GRID2: variants seen among roughly 807,000 people sequenced by gnomAD.
GRID2 encodes glutamate ionotropic receptor delta type subunit 2.
A neutral mutation model predicts 114.8 loss-of-function variants in GRID2; 33 were observed. The ratio of observed to expected loss-of-function variants is 0.29; its 90% CI spans 0.22 to 0.38. The LOEUF (loss-of-function observed/expected upper bound fraction) is 0.38. Ranked by LOEUF, GRID2 falls within the 10% of genes least tolerant of loss-of-function variation. The pLI, the probability that GRID2 is intolerant of heterozygous loss-of-function variation, is 1.00. For missense variants in GRID2, 1,184 were observed against 1,257.7 expected, an observed-to-expected ratio of 0.94 and a Z score of 0.89; for synonymous variants, 505 against 449.9, an observed-to-expected ratio of 1.12 and a Z score of -1.55.
At chr4:93,418,426 G>A (rs559245721) in intron 9 of GRID2, among the ~76,000 whole-genome samples, 1 of 151,968 alleles carries the variant, frequency 6.6e-6, no homozygotes, top group South Asian at 2.1e-4. Context: ...AATTTGTTTA[G>A]TTCTTTTTCA....
At chr4:92,550,657 G>C (rs745985517) in intron 1 of GRID2, among the ~76,000 whole-genome samples, 3 of 152,024 alleles carry the variant, frequency 2.0e-5, no homozygotes, top group Non-Finnish European at 4.4e-5. Context: ...CTCTAATTGA[G>C]GGCACCTTCA....
At chr4:93,474,705 G>GTCAC (rs1285148026) in intron 11 of GRID2, among the ~76,000 whole-genome samples, 1 of 152,052 alleles carries the variant, frequency 6.6e-6, no homozygotes, top group Non-Finnish European at 1.5e-5. Flanking sequence ...TCTGACATAT[G>GTCAC]TCACTCCCTG....
intron 8 of GRID2, chr4:93,302,682 T>C (rs1407584996): frequency 6.9e-6 from 3 of 435,768 alleles, no homozygotes; most frequent in Non-Finnish European, 1.4e-5. Flanking sequence ...GGCAGTTTCA[T>C]AGGCTACTTT....
intron 2 of GRID2, among the ~76,000 whole-genome samples, chr4:92,956,167 T>A (rs1752395427): frequency 6.6e-6 from 1 of 152,198 alleles, no homozygotes; most frequent in Admixed American, 6.5e-5. Flanking sequence ...ATATACCATC[T>A]GTCATTAACA....
intron 2 of GRID2, among the ~76,000 whole-genome samples, chr4:92,921,727 C>G (rs1013815680): frequency 1.3e-5 from 2 of 152,112 alleles, no homozygotes; most frequent in African/African-American, 4.8e-5. Flanking sequence ...CAGAGGAGTA[C>G]CTGGCCGTGT....
intron 2 of GRID2, among the ~76,000 whole-genome samples, chr4:92,626,330 T>C (rs1026025687): frequency 1.3e-5 from 2 of 152,034 alleles, no homozygotes; most frequent in East Asian, 3.9e-4. Context: ...TTCATGGACC[T>C]TTGCAATGCG....
At chr4:93,646,371 C>A (rs1028844228) in intron 14 of GRID2, among the ~76,000 whole-genome samples, 8 of 151,860 alleles carry the variant, frequency 5.3e-5, no homozygotes, top group African/African-American at 1.7e-4. Flanking sequence ...ATATAAAAGC[C>A]CTGCATTGGG....
chr4:93,395,585 C>T, intron 8 of GRID2, 22 bp from the exon 9 acceptor site: 1 of 1,133,634 alleles, frequency 8.8e-7, no homozygotes, highest in Middle Eastern at 2.0e-4. Flanking sequence ...AGAAAAATGA[C>T]CAAAGTTGTC....
chr4:93,147,135 T>A (rs1364589530), intron 4 of GRID2, among the ~76,000 whole-genome samples: 1 of 152,166 alleles, frequency 6.6e-6, no homozygotes, highest in Non-Finnish European at 1.5e-5. Context: ...TTTTCAGTAA[T>A]TTTGAATACC....
At chr4:93,322,119 C>A (rs988502647) in intron 8 of GRID2, among the ~76,000 whole-genome samples, 1 of 151,508 alleles carries the variant, frequency 6.6e-6, no homozygotes, top group Admixed American at 6.6e-5. Flanking sequence ...CATATGTACA[C>A]ATGTGCCATG....
intron 2 of GRID2, among the ~76,000 whole-genome samples, chr4:92,754,532 T>A (rs1414551309): frequency 1.3e-5 from 2 of 152,140 alleles, no homozygotes; most frequent in Non-Finnish European, 2.9e-5. Flanking sequence ...GCAGTGATGA[T>A]CATGATACCG....
intron 2 of GRID2, among the ~76,000 whole-genome samples, chr4:92,891,213 T>C (rs1187762625): frequency 6.6e-6 from 1 of 152,120 alleles, no homozygotes; most frequent in Non-Finnish European, 1.5e-5. Context: ...CGTGTATACC[T>C]ATGTAACAAA....
At chr4:92,544,808 C>G (rs1223507731) in intron 1 of GRID2, among the ~76,000 whole-genome samples, 1 of 152,078 alleles carries the variant, frequency 6.6e-6, no homozygotes, top group Non-Finnish European at 1.5e-5. Flanking sequence ...AAAATACACA[C>G]GTAGTCCTCT....
intron 1 of GRID2, among the ~76,000 whole-genome samples, chr4:92,349,442 T>C (rs912231675): frequency 5.3e-5 from 8 of 151,858 alleles, no homozygotes; most frequent in African/African-American, 1.9e-4. Flanking sequence ...TACATATTGG[T>C]AAATAATAAA....
intron 1 of GRID2, among the ~76,000 whole-genome samples, chr4:92,408,151 T>C (rs1579310838): frequency 6.6e-6 from 1 of 152,238 alleles, no homozygotes; most frequent in East Asian, 1.9e-4. Flanking sequence ...CCTCATTCAA[T>C]GGCTGCATAT....
At chr4:92,308,562 C>T (rs981630947) in intron 1 of GRID2, among the ~76,000 whole-genome samples, 1 of 152,026 alleles carries the variant, frequency 6.6e-6, no homozygotes, top group African/African-American at 2.4e-5. Flanking sequence ...AGAATATTTT[C>T]ACTATGAGAA....
chr4:92,321,966 A>G (rs1483812878), intron 1 of GRID2, among the ~76,000 whole-genome samples: 1 of 152,166 alleles, frequency 6.6e-6, no homozygotes, highest in Non-Finnish European at 1.5e-5. Context: ...TTGCAATAAA[A>G]TTTAAAATAT....
intron 2 of GRID2, among the ~76,000 whole-genome samples, chr4:92,926,396 G>A (rs561794576): frequency 8.5e-4 from 129 of 152,072 alleles, no homozygotes; most frequent in African/African-American, 3.1e-3. Flanking sequence ...TATGTACAAT[G>A]AAGAGTGACC....
At chr4:93,651,821 A>G (rs1722604726) in intron 14 of GRID2, among the ~76,000 whole-genome samples, 1 of 152,150 alleles carries the variant, frequency 6.6e-6, no homozygotes, top group Non-Finnish European at 1.5e-5. Flanking sequence ...AATGCCAGAC[A>G]CTATGGTAGG....
Sources: allele counts gnomAD v4.1 joint callset (sites outside exome capture counted in the v4.1 genomes callset), GRCh38; gene constraint gnomAD v4.1.1; transcripts MANE v1.5; gene names NCBI Gene and HGNC (gene_info 2026-07-23, HGNC 2026-07-21).